DIAPH2: variants seen among roughly 807,000 people sequenced by gnomAD.
DIAPH2 encodes diaphanous related formin 2.
Under a neutral mutation model 92.7 loss-of-function variants are expected in DIAPH2, and 35 were observed. The observed-to-expected ratio is 0.38, with a 90% CI of 0.29 to 0.50. The LOEUF is 0.50. Ranked by LOEUF, DIAPH2 falls within the 20% of genes least tolerant of loss-of-function variation. DIAPH2 has a pLI of 0.94. For synonymous variants in DIAPH2, 301 were observed against 280.4 expected, an observed-to-expected ratio of 1.07 and a Z score of -0.73; for missense variants, 701 against 819.5, an observed-to-expected ratio of 0.86 and a Z score of 1.77.
At chrX:97,589,793 G>A (rs1569430475) in intron 26 of DIAPH2, among the ~76,000 whole-genome samples, 3 of 112,115 alleles carry the variant, frequency 2.7e-5, no homozygotes, top group African/African-American at 9.7e-5. Context: ...TCATGTATAG[G>A]CTCAGCCTGG....
intron 17 of DIAPH2, among the ~76,000 whole-genome samples, chrX:97,054,355 A>G (rs1382838470): frequency 8.9e-6 from 1 of 112,050 alleles, no homozygotes; most frequent in Non-Finnish European, 1.9e-5. Context: ...TGATATAACG[A>G]TGATCAAGAT....
chrX:97,416,180 C>T (rs1470073627), intron 25 of DIAPH2, among the ~76,000 whole-genome samples: 1 of 112,110 alleles, frequency 8.9e-6, no homozygotes, highest in African/African-American at 3.2e-5. Context: ...AAAGGTAAAT[C>T]CTTCCCCCTT....
chrX:96,736,611 T>G (rs972398757), intron 2 of DIAPH2, among the ~76,000 whole-genome samples: 2 of 111,786 alleles, frequency 1.8e-5, no homozygotes, highest in Non-Finnish European at 3.8e-5. Flanking sequence ...TTCACCGTCT[T>G]AGCCAGACTG....
chrX:97,289,193 T>C (rs1434808525), intron 23 of DIAPH2, among the ~76,000 whole-genome samples: 4 of 112,027 alleles, frequency 3.6e-5, no homozygotes, highest in Non-Finnish European at 5.6e-5. Context: ...TAATGTATTA[T>C]AACATTTGTC....
chrX:97,459,030 G>A (rs1047529119), intron 26 of DIAPH2, among the ~76,000 whole-genome samples: 6 of 112,026 alleles, frequency 5.4e-5, no homozygotes, highest in Non-Finnish European at 5.6e-5. Flanking sequence ...TCTGACTTAG[G>A]TATGGGAGGG....
chrX:97,281,380 T>C (rs1413359277), intron 23 of DIAPH2, among the ~76,000 whole-genome samples: 1 of 111,299 alleles, frequency 9.0e-6, no homozygotes, highest in Non-Finnish European at 1.9e-5. Flanking sequence ...CTGAAATTCA[T>C]GGGTAGATCA....
intron 26 of DIAPH2, among the ~76,000 whole-genome samples, chrX:97,504,374 A>G (rs2070818809): frequency 8.9e-6 from 1 of 112,387 alleles, no homozygotes; most frequent in Admixed American, 9.5e-5. Flanking sequence ...GCCTGTGATA[A>G]TGCTTGGCTG....
At chrX:97,223,402 A>G (rs1328315412) in intron 22 of DIAPH2, among the ~76,000 whole-genome samples, 2 of 110,934 alleles carry the variant, frequency 1.8e-5, no homozygotes, top group Non-Finnish European at 3.8e-5. Context: ...GACTTATATC[A>G]GCTTATGGTT....
intron 17 of DIAPH2, among the ~76,000 whole-genome samples, chrX:97,058,121 T>C (rs2066570531): frequency 8.9e-6 from 1 of 111,832 alleles, no homozygotes; most frequent in Admixed American, 9.5e-5. Flanking sequence ...ACATGGATCG[T>C]TGAACAGTAT....
At chrX:97,324,389 G>GA (rs2068932699) in intron 23 of DIAPH2, among the ~76,000 whole-genome samples, 1 of 112,402 alleles carries the variant, frequency 8.9e-6, no homozygotes. Context: ...CAGCTGTTTG[G>GA]AAAGCATCGT....
At chrX:96,833,977 TA>T (rs2064872298) in intron 4 of DIAPH2, among the ~76,000 whole-genome samples, 1 of 111,808 alleles carries the variant, frequency 8.9e-6, no homozygotes, top group Non-Finnish European at 1.9e-5. Flanking sequence ...TTTATTAACA[TA>T]TATACATACA....
At chrX:97,050,036 G>C (rs1355644230) in intron 17 of DIAPH2, among the ~76,000 whole-genome samples, 4 of 111,094 alleles carry the variant, frequency 3.6e-5, no homozygotes, top group South Asian at 7.6e-4. Context: ...AGGTTGCTAA[G>C]GCGTAAAGTC....
chrX:97,496,931 T>C (rs2070763015), intron 26 of DIAPH2, among the ~76,000 whole-genome samples: 1 of 112,306 alleles, frequency 8.9e-6, no homozygotes, highest in Non-Finnish European at 1.9e-5. Context: ...ATTTTTATAT[T>C]TAAAAACTTC....
At chrX:96,758,968 A>G (rs1198064096) in intron 4 of DIAPH2, among the ~76,000 whole-genome samples, 5 of 110,386 alleles carry the variant, frequency 4.5e-5, no homozygotes, top group African/African-American at 6.6e-5. Context: ...TTGGTAAGAA[A>G]AAATTGTATT....
In DIAPH2 at chrX:96,987,144, A is replaced by G. The variant is rs1602691827; in HGVS notation, c.2050+21937A>G. ...CCAGACCCAGACACCTGCATAATCA[A>G]CATAGGGATAAATTTACTTTGTTTC... On this transcript the variant is annotated intron_variant, in intron 17 of 26. Coordinates refer to ENST00000324765, the MANE Select transcript of DIAPH2 (RefSeq NM_006729.5). Among the ~76,000 whole-genome samples, 3 of 110,015 alleles carry G rather than the reference A, an allele frequency of 2.7e-5. No homozygotes were observed. The South Asian group carries it at 1.2e-3, about 42-fold the overall frequency.
chrX:96,715,872 T>C (rs1398656862), intron 1 of DIAPH2, among the ~76,000 whole-genome samples: 1 of 110,596 alleles, frequency 9.0e-6, no homozygotes. Context: ...ATAAGATGCA[T>C]TTGTTGTCTT....
At chrX:96,757,488 GA>G (rs1195894656) in intron 3 of DIAPH2, among the ~76,000 whole-genome samples, 1 of 111,966 alleles carries the variant, frequency 8.9e-6, no homozygotes, top group Non-Finnish European at 1.9e-5. Flanking sequence ...TCAAAATGAA[GA>G]AAAACAATTT....
At chrX:97,582,052 G>T (rs2071444117) in intron 26 of DIAPH2, among the ~76,000 whole-genome samples, 1 of 320 alleles carries the variant, frequency 3.1e-3, no homozygotes, top group Non-Finnish European at 5.8e-3. Context: ...TTTATTTTGA[G>T]CCTATGTGTG....
intron 26 of DIAPH2, among the ~76,000 whole-genome samples, chrX:97,596,303 T>C (rs1266739983): frequency 1.8e-5 from 2 of 111,808 alleles, no homozygotes; most frequent in African/African-American, 6.5e-5. Context: ...TTGCACAATG[T>C]CCCCAACAAG....
Sources: gnomAD v4.1 joint callset for allele counts (sites outside exome capture counted in the v4.1 genomes callset) on GRCh38, gnomAD v4.1.1 for gene constraint, MANE v1.5 for transcripts, NCBI Gene and HGNC (gene_info 2026-07-23, HGNC 2026-07-21) for gene names.